MYH11: variants seen among roughly 807,000 people sequenced by gnomAD.
MYH11 encodes myosin-11.
MYH11 carries 80 observed loss-of-function variants against 246.6 expected under a neutral mutation model. The ratio of observed to expected loss-of-function variants is 0.32; its 90% CI spans 0.27 to 0.39. The LOEUF (loss-of-function observed/expected upper bound fraction) is 0.39. Among genes scored for constraint, MYH11 ranks in the 10% least tolerant of loss-of-function variants. MYH11 has a pLI of 1.00. For missense variants in MYH11, 2,158 were observed against 2,546.8 expected, an observed-to-expected ratio of 0.85 and a Z score of 3.29; for synonymous variants, 1,071 against 1,015.5, an observed-to-expected ratio of 1.05 and a Z score of -1.04.
intron 5 of MYH11, chr16:15,784,804 A>G: frequency 1.3e-6 from 2 of 1,512,322 alleles, no homozygotes; most frequent in South Asian, 2.3e-5. Flanking sequence ...TATGACTTTG[A>G]TCCCCCCAAA....
intron 6 of MYH11, among the ~76,000 whole-genome samples, chr16:15,780,462 T>G (rs1318267626): frequency 6.8e-6 from 1 of 146,708 alleles, no homozygotes; most frequent in Non-Finnish European, 1.5e-5. Flanking sequence ...TTTATGACTT[T>G]AGATTTTTAC....
chr16:15,772,400 G>A (rs1214589236), intron 8 of MYH11, among the ~76,000 whole-genome samples: 1 of 151,954 alleles, frequency 6.6e-6, no homozygotes, highest in African/African-American at 2.4e-5. Context: ...CCTTATTCAT[G>A]TATTTATAAA....
chr16:15,726,676 T>A (rs2040777839), intron 28 of MYH11, 172 bp downstream of exon 28: 1 of 811,236 alleles, frequency 1.2e-6, no homozygotes, highest in African/African-American at 1.7e-5. Context: ...CCAGAAGGTT[T>A]TTTTAATATT....
chr16:15,769,008 C>CCAAAA (rs2042041278), intron 9 of MYH11, among the ~76,000 whole-genome samples: 1 of 151,624 alleles, frequency 6.6e-6, no homozygotes, highest in Non-Finnish European at 1.5e-5. Context: ...AAAAATCAAA[C>CCAAAA]CAAAACAAAA....
At chr16:15,828,261 A>G (rs1019869179) in intron 2 of MYH11, among the ~76,000 whole-genome samples, 4 of 152,204 alleles carry the variant, frequency 2.6e-5, no homozygotes, top group Non-Finnish European at 5.9e-5. Flanking sequence ...AGCATTTAGC[A>G]TGGCGGCTGG....
intron 1 of MYH11, among the ~76,000 whole-genome samples, chr16:15,847,402 C>A (rs1031600226): frequency 2.6e-5 from 4 of 152,052 alleles, no homozygotes; most frequent in Non-Finnish European, 5.9e-5. Flanking sequence ...AGGCACCTGC[C>A]ACCATGCCCA....
At chr16:15,778,901 T>C in intron 6 of MYH11, 58 bp from the exon 7 acceptor site, 4 of 1,539,310 alleles carry the variant, frequency 2.6e-6, no homozygotes, top group Non-Finnish European at 2.7e-6. Flanking sequence ...GTTAACCCCA[T>C]GCTGTGGGCA....
chr16:15,811,371 T>C (rs1374793633), intron 3 of MYH11, among the ~76,000 whole-genome samples: 1 of 152,168 alleles, frequency 6.6e-6, no homozygotes, highest in Non-Finnish European at 1.5e-5. Context: ...ACACTATCTA[T>C]ACCACGCTAC....
intron 13 of MYH11, among the ~76,000 whole-genome samples, chr16:15,756,942 G>C (rs2041739327): frequency 6.6e-6 from 1 of 151,538 alleles, no homozygotes; most frequent in Non-Finnish European, 1.5e-5. Context: ...GGGACTACAG[G>C]CGCCTGCCAC....
At chr16:15,704,826 T>C (rs1257489400) in intron 40 of MYH11, among the ~76,000 whole-genome samples, 1 of 152,202 alleles carries the variant, frequency 6.6e-6, no homozygotes, top group African/African-American at 2.4e-5. Context: ...AAGGAAATTA[T>C]ACGTGTTAAT....
chr16:15,771,435 CTTTTTT>C, intron 9 of MYH11, 128 bp downstream of exon 9: 151 of 703,192 alleles, frequency 2.1e-4, no homozygotes, highest in East Asian at 6.8e-4. Context: ...CATTTTCCTC[CTTTTTT>C]TTTTTTTTTT....
intron 5 of MYH11, chr16:15,784,936 C>T: frequency 1.9e-6 from 1 of 537,044 alleles, no homozygotes; most frequent in Non-Finnish European, 3.3e-6. Flanking sequence ...TGGGCTCAGG[C>T]AATCCTCCTG....
chr16:15,816,422 A>C (rs1007419273), intron 3 of MYH11, among the ~76,000 whole-genome samples: 2 of 152,184 alleles, frequency 1.3e-5, no homozygotes, highest in Admixed American at 1.3e-4. Flanking sequence ...GGGGAAAAAA[A>C]AGGCAATTGC....
At chr16:15,763,741 T>TCGCGGGCCCCCCCCCCCCCC in intron 10 of MYH11, 55 bp downstream of exon 10, 1 of 646,862 alleles carries the variant, frequency 1.5e-6, no homozygotes, top group East Asian at 3.2e-5. Context: ...AAATGTCACC[T>TCGCGGGCCCCCCCCCCCCCC]CCCCCACCCC....
intron 7 of MYH11, among the ~76,000 whole-genome samples, chr16:15,778,403 A>G (rs980759429): frequency 1.3e-5 from 2 of 152,222 alleles, no homozygotes; most frequent in Non-Finnish European, 2.9e-5. Flanking sequence ...TGCACCTCGC[A>G]TGGTGCCTAG....
chr16:15,729,169 T>C (rs1413334844), intron 27 of MYH11, among the ~76,000 whole-genome samples: 1 of 151,938 alleles, frequency 6.6e-6, no homozygotes, highest in African/African-American at 2.4e-5. Flanking sequence ...CTAGGGGACA[T>C]GGGCTCCCAG....
At chr16:15,833,870 C>T (rs1331281902) in intron 2 of MYH11, among the ~76,000 whole-genome samples, 3 of 152,124 alleles carry the variant, frequency 2.0e-5, no homozygotes, top group African/African-American at 7.2e-5. Flanking sequence ...CCTTCTTTAT[C>T]TTCTCCGTCA....
At chr16:15,762,151 T>C (rs2041882558) in intron 10 of MYH11, among the ~76,000 whole-genome samples, 1 of 152,130 alleles carries the variant, frequency 6.6e-6, no homozygotes, top group African/African-American at 2.4e-5. Context: ...ATTTTTGTAT[T>C]TTTAGTAGAG....
At chr16:15,805,633 C>T (rs767380086) in intron 3 of MYH11, among the ~76,000 whole-genome samples, 2 of 152,284 alleles carry the variant, frequency 1.3e-5, no homozygotes, top group South Asian at 2.1e-4. Flanking sequence ...ATGTTATGGC[C>T]GGCGGCCATG....
Sources: allele counts gnomAD v4.1 joint callset (sites outside exome capture counted in the v4.1 genomes callset), GRCh38; gene constraint gnomAD v4.1.1; transcripts MANE v1.5; gene names NCBI Gene and HGNC (gene_info 2026-07-23, HGNC 2026-07-21).